Variants in FHL2 observed in about 807,000 individuals in gnomAD.
FHL2 encodes four and a half LIM domains 2.
In FHL2, 20 loss-of-function variants were observed where a neutral mutation model predicts 32.7. The ratio of observed to expected loss-of-function variants is 0.61; its 90% CI spans 0.43 to 0.89. The LOEUF (loss-of-function observed/expected upper bound fraction) is 0.89, where lower values mean the gene tolerates loss of function less well. Among genes scored for constraint, FHL2 ranks in the 40% least tolerant of loss-of-function variants. FHL2 has a pLI of 0.00. For synonymous variants in FHL2, 123 were observed against 128.1 expected (o/e 0.96, Z 0.27); for missense variants, 311 against 358.6 (o/e 0.87, Z 1.07).
intron 1 of FHL2, among the ~76,000 whole-genome samples, chr2:105,433,826 T>C (rs949159101): frequency 6.6e-6 from 1 of 152,244 alleles, no homozygotes; most frequent in Non-Finnish European, 1.5e-5. Flanking sequence ...AGATTCTTTA[T>C]GAAAATGATT....
At chr2:105,401,642 C>T (rs1683470555), upstream of FHL2, among the ~76,000 whole-genome samples, 1 of 152,026 alleles carries the variant, frequency 6.6e-6, no homozygotes, top group African/African-American at 2.4e-5. Context: ...GTTATGTGTT[C>T]GTCAACAAGG....
At chr2:105,421,775 A>G (rs567914115) in intron 1 of FHL2, among the ~76,000 whole-genome samples, 129 of 152,302 alleles carry the variant, frequency 8.5e-4, no homozygotes, top group Non-Finnish European at 1.4e-3. Flanking sequence ...GTAACTGTCA[A>G]ATGGAGGCAC....
intron 1 of FHL2, among the ~76,000 whole-genome samples, chr2:105,420,289 C>G (rs1364624115): frequency 1.3e-5 from 2 of 152,110 alleles, no homozygotes; most frequent in Non-Finnish European, 2.9e-5. Context: ...GACTCACTTC[C>G]CTGATCTCTG....
At position 105,418,066 on chromosome 2, in the gene FHL2, A is replaced by G. The variant is rs1033659565; in HGVS notation, c.-25+20333T>C. Among the ~76,000 whole-genome samples the G allele has an allele frequency of 3.0e-4, 45 of 152,210 alleles. 2 individuals carry two copies. ...ACATTGAGAACCACAGAATTAAAAC[A>G]CTTTAGGCTGGGGAAGTCATTATAT... On this transcript the variant is annotated intron_variant, in intron 1 of 5. Transcript: ENST00000393352.
At chr2:105,408,537 G>T (rs963355944) in intron 1 of FHL2, among the ~76,000 whole-genome samples, 3 of 152,204 alleles carry the variant, frequency 2.0e-5, no homozygotes, top group African/African-American at 7.2e-5. Flanking sequence ...CAGCCAGTTG[G>T]CTTTGTATCG....
chr2:105,388,572 C>T (rs1682488277), intron 2 of FHL2, among the ~76,000 whole-genome samples: 3 of 151,700 alleles, frequency 2.0e-5, no homozygotes. Context: ...CCTGTAATCC[C>T]AGCACTTTGG....
At chr2:105,389,284 C>A (rs561772595) in intron 2 of FHL2, among the ~76,000 whole-genome samples, 4 of 152,146 alleles carry the variant, frequency 2.6e-5, no homozygotes, top group Non-Finnish European at 5.9e-5. Context: ...TCCTTTGTAC[C>A]GCAGCCATCT....
At position 105,361,387 on chromosome 2, in the gene FHL2, T is replaced by C; in HGVS notation, c.736A>G (p.Asn246Asp). 1 of 1,614,128 alleles carries C rather than the reference T, an allele frequency of 6.2e-7. No individual in the cohort carries two copies. The highest frequency in any genetic ancestry group is 8.5e-7 in the Non-Finnish European group (1 of 1,179,962). ...CACTTCTTACAGTTAAAGCAGTCGT[T>C]ATGCCACTGCCGTTCCTCAAAGGAG... is the stretch of plus-strand genomic sequence containing the variant. ...YISFEERQWHNDCFNCKKCSL... is the reference protein window; with the variant it reads ...YISFEERQWHDDCFNCKKCSL... Residue 246 changes from asparagine to aspartate, a missense_variant, in exon 7 of 7, where the codon AAC becomes GAC. Asn to Asp is a conservative substitution (Grantham distance 23). Coordinates refer to ENST00000530340, the MANE Select transcript of FHL2 (RefSeq NM_001318895.3).
intron 1 of FHL2, among the ~76,000 whole-genome samples, chr2:105,429,416 T>C (rs1684359984): frequency 6.6e-6 from 1 of 152,132 alleles, no homozygotes; most frequent in African/African-American, 2.4e-5. Flanking sequence ...CCCAATGTAA[T>C]CACCAGTGTC....
intron 1 of FHL2, among the ~76,000 whole-genome samples, chr2:105,397,630 C>G (rs1683230205): frequency 6.6e-6 from 1 of 152,206 alleles, no homozygotes; most frequent in Non-Finnish European, 1.5e-5. Context: ...CCATCATTAG[C>G]CTTCATCGAC....
chr2:105,385,693 G>T (rs912726376), intron 3 of FHL2, among the ~76,000 whole-genome samples: 8 of 152,184 alleles, frequency 5.3e-5, no homozygotes, highest in Non-Finnish European at 1.0e-4. Context: ...GTGTCCTTCA[G>T]CAATCCAGGT....
At chr2:105,421,452 A>G (rs145800471) in intron 1 of FHL2, among the ~76,000 whole-genome samples, 1 of 152,320 alleles carries the variant, frequency 6.6e-6, no homozygotes, top group Non-Finnish European at 1.5e-5. Flanking sequence ...TCCTGATCAA[A>G]AAGACAAACA....
chr2:105,392,333 G>T (rs1682789934), intron 2 of FHL2, among the ~76,000 whole-genome samples: 1 of 152,106 alleles, frequency 6.6e-6, no homozygotes, highest in South Asian at 2.1e-4. Flanking sequence ...AATTTGCCGG[G>T]TGTGGTGGCA....
rs755085628 is a variant in FHL2, at chr2:105,363,625, G to A, written c.502-154C>T. 6.6e-5 allele frequency among the ~76,000 whole-genome samples: 10 copies of A among 152,170 alleles called. No homozygotes were observed. In the East Asian group the frequency reaches 1.3e-3, roughly 20 times the overall value. On this transcript the variant is annotated intron_variant, in intron 5 of 6. Transcript: ENST00000530340. ...TGCTTTACAAACTTCACAGTCACTC[G>A]TCACCCTCACCACACGCTTTCATTC...
intron 4 of FHL2, among the ~76,000 whole-genome samples, chr2:105,372,516 C>T (rs1457833215): frequency 6.6e-6 from 1 of 152,152 alleles, no homozygotes; most frequent in Non-Finnish European, 1.5e-5. Flanking sequence ...TGAGCCACCA[C>T]ACCTGGCATC....
chr2:105,405,115 G>A (rs1240061515), intron 1 of FHL2, among the ~76,000 whole-genome samples: 1 of 152,144 alleles, frequency 6.6e-6, no homozygotes, highest in Non-Finnish European at 1.5e-5. Flanking sequence ...TATTTGTAAG[G>A]TAGACTCTGA....
rs748981631 is a variant in FHL2, at chr2:105,386,395, T to C, written c.122A>G (p.Glu41Gly). Reference protein sequence around the residue: ...CFETLFANTCEECGKPIGCDC... With the variant: ...CFETLFANTCGECGKPIGCDC... Reference sequence around the variant, plus strand: ...ACAGCCGATGGGCTTCCCACACTCCTCGCAGGTGTTGGCGAACAGGGTCTC... The same window carrying C: ...ACAGCCGATGGGCTTCCCACACTCCCCGCAGGTGTTGGCGAACAGGGTCTC... The change falls in exon 3 of 7, where the codon GAG becomes GGG. Residue 41 changes from glutamate (E) to glycine (G), a missense_variant. Coordinates refer to ENST00000530340, the MANE Select transcript of FHL2 (RefSeq NM_001318895.3). The C allele has an allele frequency of 1.2e-6, 2 of 1,614,132 alleles. No homozygotes were observed. The highest frequency in any genetic ancestry group is 4.5e-5 in the East Asian group (2 of 44,862).
chr2:105,435,420 T>G (rs372599236), intron 1 of FHL2, among the ~76,000 whole-genome samples: 14 of 152,312 alleles, frequency 9.2e-5, no homozygotes, highest in African/African-American at 3.4e-4. Context: ...AACCGTGAAC[T>G]GATACCTTGA....
chr2:105,425,731 G>C (rs1016503466), intron 1 of FHL2, among the ~76,000 whole-genome samples: 1 of 151,714 alleles, frequency 6.6e-6, no homozygotes, highest in Non-Finnish European at 1.5e-5. Context: ...TCTGGCTTAC[G>C]TGCACGTCCA....
Sources: allele counts gnomAD v4.1 joint callset (sites outside exome capture counted in the v4.1 genomes callset), GRCh38; gene constraint gnomAD v4.1.1; transcripts MANE v1.5; gene names NCBI Gene and HGNC (gene_info 2026-07-23, HGNC 2026-07-21).